The following SLC25A26 variants were observed in gnomAD, a reference collection of about 807,000 sequenced individuals.
The protein encoded by SLC25A26 is solute carrier family 25 member 26.
Under a neutral mutation model 37.8 loss-of-function variants are expected in SLC25A26, and 36 were observed. The observed-to-expected ratio is 0.95, with a 90% CI of 0.73 to 1.26. The LOEUF (loss-of-function observed/expected upper bound fraction) is 1.26. Ranked by LOEUF, SLC25A26 falls within the 50% of genes most tolerant of loss-of-function variation. SLC25A26 has a pLI of 0.00. For synonymous variants in SLC25A26, 129 were observed against 122.5 expected (o/e 1.05, Z -0.35); for missense variants, 390 against 331.1 (o/e 1.18, Z -1.38).
intron 1 of SLC25A26, among the ~76,000 whole-genome samples, chr3:66,184,712 T>G (rs1224524261): frequency 1.5e-5 from 1 of 64,596 alleles, no homozygotes; most frequent in Non-Finnish European, 3.3e-5. Flanking sequence ...TGCTCTCATC[T>G]TGTGTCCATG....
At chr3:66,247,301 A>G (rs1231462876) in intron 3 of SLC25A26, among the ~76,000 whole-genome samples, 1 of 152,092 alleles carries the variant, frequency 6.6e-6, no homozygotes, top group Non-Finnish European at 1.5e-5. Context: ...ACACAAATGC[A>G]CACACACATA....
chr3:66,356,004 A>G (rs1034242043), intron 6 of SLC25A26: 3 of 455,956 alleles, frequency 6.6e-6, no homozygotes, highest in African/African-American at 4.0e-5. Context: ...TATAAAAAGC[A>G]TATAGTAAAA....
chr3:66,276,615 G>T (rs1350878022), intron 5 of SLC25A26, among the ~76,000 whole-genome samples: 8 of 129,746 alleles, frequency 6.2e-5, no homozygotes, highest in Non-Finnish European at 9.2e-5. Context: ...AAAATGTTTT[G>T]ACTGATTGTA....
chr3:66,223,594 TACCTG>T (rs2071600670), intron 1 of SLC25A26, among the ~76,000 whole-genome samples: 3 of 152,184 alleles, frequency 2.0e-5, no homozygotes, highest in Non-Finnish European at 4.4e-5. Context: ...CTTTTACCAG[TACCTG>T]GCACTAGGTA....
intron 6 of SLC25A26, among the ~76,000 whole-genome samples, chr3:66,359,843 C>T (rs1436874131): frequency 6.6e-6 from 1 of 152,162 alleles, no homozygotes; most frequent in South Asian, 2.1e-4. Context: ...TCTTTAGAAA[C>T]CAGTCTCTAA....
chr3:66,231,116 A>G (rs942762275), intron 1 of SLC25A26, among the ~76,000 whole-genome samples: 16 of 152,216 alleles, frequency 1.1e-4, no homozygotes, highest in Non-Finnish European at 2.4e-4. Flanking sequence ...CAGAGGTTGC[A>G]TTGAGCTGAG....
At chr3:66,194,039 T>C (rs1477261259) in intron 1 of SLC25A26, among the ~76,000 whole-genome samples, 1 of 152,162 alleles carries the variant, frequency 6.6e-6, no homozygotes, top group Admixed American at 6.5e-5. Context: ...TTGACAACAA[T>C]ATTAGACCAA....
chr3:66,377,929 C>T lies in SLC25A26; in HGVS notation c.*122C>T, dbSNP rs766650566. On this transcript the variant is annotated 3_prime_UTR_variant, in exon 10 of 10. Coordinates refer to ENST00000354883, the MANE Select transcript of SLC25A26 (RefSeq NM_001379210.1). The stretch of plus-strand genomic sequence containing the variant: ...CTGAAGACCAGTTGTGCTAAGATAC[C>T]GGCATGGAGATTGTGCCATCCGTGG... 15 of 742,090 alleles carry T rather than the reference C, an allele frequency of 2.0e-5. No homozygotes were observed. The highest frequency in any genetic ancestry group is 3.4e-5 in the South Asian group (2 of 58,324). 46.0% of individuals were successfully genotyped at this position (742,090 alleles called of 1,614,324 possible).
chr3:66,224,317 C>T (rs1037844358), intron 1 of SLC25A26, among the ~76,000 whole-genome samples: 5 of 152,152 alleles, frequency 3.3e-5, no homozygotes, highest in Non-Finnish European at 7.3e-5. Flanking sequence ...ACTTACAGTT[C>T]CATTTGGCTG....
chr3:66,242,397 C>G (rs147677140), intron 2 of SLC25A26, among the ~76,000 whole-genome samples: 4 of 152,152 alleles, frequency 2.6e-5, no homozygotes, highest in African/African-American at 7.2e-5. Context: ...TTCATTTAGC[C>G]TAGTGTATAT....
intron 5 of SLC25A26, among the ~76,000 whole-genome samples, chr3:66,326,735 G>A (rs1384753413): frequency 6.6e-6 from 1 of 152,158 alleles, no homozygotes; most frequent in Non-Finnish European, 1.5e-5. Context: ...CAGACAGTAT[G>A]TTGAGCCCCA....
At position 66,230,459 on chromosome 3, in the gene SLC25A26, G is replaced by T. The variant is rs939575987; in HGVS notation, c.34-6085G>T. 1.1e-4 allele frequency among the ~76,000 whole-genome samples: 16 copies of T among 152,030 alleles called. 1 individual carries two copies. The highest frequency in any genetic ancestry group is 9.2e-4 in the Admixed American group (14 of 15,248). On this transcript the variant is annotated intron_variant, in intron 1 of 9. Transcript: ENST00000354883. The stretch of plus-strand genomic sequence containing the variant: ...TGTGTGCATGTATGTATGTAGGGGG[G>T]TGGAGGCGATGGTGGTTTGCTGGCT...
chr3:66,186,337 CA>C (rs2070826693), intron 1 of SLC25A26, among the ~76,000 whole-genome samples: 1 of 151,778 alleles, frequency 6.6e-6, no homozygotes, highest in South Asian at 2.1e-4. Flanking sequence ...ATCTGACCCT[CA>C]ACTTGTTCCT....
At chr3:66,190,452 G>A (rs1380093325) in intron 1 of SLC25A26, among the ~76,000 whole-genome samples, 13 of 152,210 alleles carry the variant, frequency 8.5e-5, no homozygotes, top group African/African-American at 3.1e-4. Context: ...TTTTTGAGAT[G>A]GAGTATCACT....
chr3:66,146,129 C>G (rs2070111358), intron 1 of SLC25A26, among the ~76,000 whole-genome samples: 1 of 152,058 alleles, frequency 6.6e-6, no homozygotes, highest in Non-Finnish European at 1.5e-5. Flanking sequence ...CACCTGAGGT[C>G]AGGAGTTCAA....
intron 2 of SLC25A26, among the ~76,000 whole-genome samples, chr3:66,242,649 A>C (rs1349962570): frequency 1.3e-5 from 2 of 148,698 alleles, no homozygotes; most frequent in Non-Finnish European, 3.0e-5. Context: ...GTTCATTGTG[A>C]TAGGGGTAGC....
At chr3:66,252,354 A>G (rs2073118418) in intron 3 of SLC25A26, among the ~76,000 whole-genome samples, 1 of 152,238 alleles carries the variant, frequency 6.6e-6, no homozygotes, top group Non-Finnish European at 1.5e-5. Context: ...CCCGTTTTTG[A>G]GGAGCATATA....
intron 9 of SLC25A26, among the ~76,000 whole-genome samples, chr3:66,376,164 A>G (rs980641264): frequency 6.6e-5 from 10 of 151,784 alleles, no homozygotes; most frequent in Admixed American, 6.6e-4. Flanking sequence ...GTTGGTTCTT[A>G]TGGGTGAGCA....
At chr3:66,228,857 A>T (rs1428506989) in intron 1 of SLC25A26, among the ~76,000 whole-genome samples, 1 of 152,244 alleles carries the variant, frequency 6.6e-6, no homozygotes. Context: ...TTTGAAGTTG[A>T]TGCTGAATGT....
Sources: allele counts gnomAD v4.1 joint callset (sites outside exome capture counted in the v4.1 genomes callset), GRCh38; gene constraint gnomAD v4.1.1; transcripts MANE v1.5; gene names NCBI Gene and HGNC (gene_info 2026-07-23, HGNC 2026-07-21).